DAB1: variants seen among roughly 807,000 people sequenced by gnomAD.
DAB1 encodes disabled homolog 1.
Under a neutral mutation model 64.6 loss-of-function variants are expected in DAB1, and 15 were observed. The ratio of observed to expected loss-of-function variants is 0.23; its 90% confidence interval spans 0.16 to 0.36. The LOEUF (loss-of-function observed/expected upper bound fraction) is 0.36, where lower values mean the gene tolerates loss of function less well. Ranked by LOEUF, DAB1 falls within the 10% of genes least tolerant of loss-of-function variation. DAB1 has a pLI of 1.00. For synonymous variants in DAB1, 235 were observed against 251.9 expected (o/e 0.93, Z 0.64); for missense variants, 596 against 706.7 (o/e 0.84, Z 1.78).
chr1:57,997,978 A>G (rs951709846), intron 5 of DAB1, among the ~76,000 whole-genome samples: 3 of 152,092 alleles, frequency 2.0e-5, no homozygotes, highest in Non-Finnish European at 4.4e-5. Context: ...AAGAGAAACA[A>G]AATAGTATCT....
chr1:58,541,632 A>AAAAC lies in DAB1; in HGVS notation n.32+5070_32+5071insGTTT, dbSNP rs1553126073. 1,162 of 146,416 alleles carry AAAAC rather than the reference A, an allele frequency of 7.9e-3. 44 individuals carry two copies. Among genetic ancestry groups the AAAAC allele is most frequent in the African/African-American group, 0.028 (1,108 of 39,122 alleles). The allele number at this position is 146,416 out of a possible 1,614,324, so 9.1% of individuals were successfully genotyped here. A position where few individuals can be genotyped will look rare whatever the true frequency, so the allele number is the denominator to read the frequency against. The stretch of plus-strand genomic sequence containing the variant: ...AACCTGTCAAAAAAAAAAAAAAAAA[A>AAAAC]AAAAAAAAACCAAAAACAAAAAACA... On this transcript the variant is annotated intron_variant and non_coding_transcript_variant, in intron 1 of 20. Coordinates refer to the DAB1 transcript ENST00000485760.
chr1:57,841,733 T>G (rs1653060201), intron 1 of DAB1, among the ~76,000 whole-genome samples: 1 of 152,202 alleles, frequency 6.6e-6, no homozygotes, highest in Non-Finnish European at 1.5e-5. Flanking sequence ...GCCCTGGGCC[T>G]GGTCCCCAAA....
At chr1:57,642,629 A>G (rs948585870) in intron 7 of DAB1, among the ~76,000 whole-genome samples, 1 of 152,222 alleles carries the variant, frequency 6.6e-6, no homozygotes, top group African/African-American at 2.4e-5. Flanking sequence ...TTCACGTTAC[A>G]ACTCCATCCG....
At chr1:57,708,916 C>T (rs898826523) in intron 6 of DAB1, among the ~76,000 whole-genome samples, 4 of 151,986 alleles carry the variant, frequency 2.6e-5, no homozygotes, top group Non-Finnish European at 5.9e-5. Flanking sequence ...TTGGCTCCTA[C>T]GAAGGTGTTT....
intron 4 of DAB1, among the ~76,000 whole-genome samples, chr1:58,237,616 A>G (rs1298350829): frequency 1.3e-5 from 2 of 152,178 alleles, no homozygotes; most frequent in Admixed American, 1.3e-4. Context: ...TCCTGGTGAC[A>G]GCACAACTAC....
Position 57,401,026 on chromosome 1 carries a change from C to G in DAB1, c.-137+22904G>C, listed in dbSNP as rs1432929898. On this transcript the variant is annotated intron_variant, in intron 1 of 14. Transcript: ENST00000371236. ...AAAAAAAGTGCCGAAAGGAACTTAC[C>G]ACCAAAAAGGCCATATTTTGACATG... 2.0e-5 allele frequency among the ~76,000 whole-genome samples: 3 copies of G among 148,702 alleles called. No individual in the cohort carries two copies. The East Asian group carries it at 5.9e-4, about 29-fold the overall frequency.
At position 58,534,773 on chromosome 1, in the gene DAB1, G is replaced by A. The variant is rs1022766630; in HGVS notation, n.33-7438C>T. Among the ~76,000 whole-genome samples the A allele has an allele frequency of 5.3e-5, 8 of 152,090 alleles. No individual in the cohort carries two copies. The South Asian group carries it at 8.3e-4, about 16-fold the overall frequency. On this transcript the variant is annotated intron_variant and non_coding_transcript_variant, in intron 1 of 20. Coordinates refer to the DAB1 transcript ENST00000485760. ...AACATGGTGAAACCCCGTCTCTACC[G>A]AAAACACAAAAAATTAGCCAGGCGT... is the stretch of plus-strand genomic sequence containing the variant.
intron 9 of DAB1, among the ~76,000 whole-genome samples, chr1:57,060,916 G>A (rs1205228822): frequency 6.6e-6 from 1 of 151,814 alleles, no homozygotes; most frequent in East Asian, 1.9e-4. Flanking sequence ...CAAAAACCAA[G>A]GCAGCAAATG....
intron 5 of DAB1, among the ~76,000 whole-genome samples, chr1:57,971,901 G>A (rs1231802537): frequency 6.6e-6 from 1 of 152,190 alleles, no homozygotes; most frequent in African/African-American, 2.4e-5. Flanking sequence ...TGAGGCATCA[G>A]TTTGTGAACC....
intron 6 of DAB1, among the ~76,000 whole-genome samples, chr1:57,789,291 ACG>A (rs1650481150): frequency 6.6e-6 from 1 of 152,182 alleles, no homozygotes; most frequent in Non-Finnish European, 1.5e-5. Flanking sequence ...TCTTGGGCCC[ACG>A]CGAGAAGAGG....
chr1:57,126,564 AGCT>A, intron 4 of DAB1, among the ~76,000 whole-genome samples: 1 of 152,212 alleles, frequency 6.6e-6, no homozygotes, highest in South Asian at 2.1e-4. Context: ...GAGAACACTG[AGCT>A]GCTAAGAGGT....
chr1:57,844,402 A>G (rs1336321053), intron 1 of DAB1, among the ~76,000 whole-genome samples: 3 of 152,212 alleles, frequency 2.0e-5, no homozygotes, highest in Admixed American at 6.5e-5. Context: ...AGAGACTCAG[A>G]CATATTGAGA....
At chr1:57,051,358 A>T (rs906596817) in intron 9 of DAB1, among the ~76,000 whole-genome samples, 2 of 152,236 alleles carry the variant, frequency 1.3e-5, no homozygotes, top group African/African-American at 4.8e-5. Flanking sequence ...TAATCCAATT[A>T]TCCAACATCT....
At chr1:57,422,361 G>A (rs1684982253) in intron 1 of DAB1, among the ~76,000 whole-genome samples, 1 of 152,194 alleles carries the variant, frequency 6.6e-6, no homozygotes, top group African/African-American at 2.4e-5. Context: ...CCAGCTCGCA[G>A]GAGGGCTCGC....
intron 2 of DAB1, among the ~76,000 whole-genome samples, chr1:57,189,388 C>T (rs1221719191): frequency 6.6e-6 from 1 of 152,128 alleles, no homozygotes; most frequent in East Asian, 1.9e-4. Context: ...TAGTTATCTA[C>T]TTAAATTATT....
intron 5 of DAB1, among the ~76,000 whole-genome samples, chr1:58,039,791 C>T (rs6587796): frequency 0.084 from 12,801 of 152,036 alleles, 1,651 homozygotes; most frequent in African/African-American, 0.28. Flanking sequence ...TCTCTTCTTT[C>T]TACAGGGATA....
intron 5 of DAB1, among the ~76,000 whole-genome samples, chr1:58,044,386 C>T (rs183577281): frequency 7.2e-5 from 11 of 152,004 alleles, no homozygotes; most frequent in African/African-American, 2.7e-4. Context: ...CAGTGGCTTC[C>T]TCCTACTGCT....
chr1:58,464,551 G>C (rs1191579149), intron 3 of DAB1, among the ~76,000 whole-genome samples: 1 of 152,168 alleles, frequency 6.6e-6, no homozygotes, highest in African/African-American at 2.4e-5. Flanking sequence ...CCTGAACTTG[G>C]CCTTGTACTA....
chr1:57,517,179 T>G (rs955197970), intron 7 of DAB1, among the ~76,000 whole-genome samples: 7 of 152,128 alleles, frequency 4.6e-5, no homozygotes, highest in Non-Finnish European at 8.8e-5. Flanking sequence ...TTATTTTTTT[T>G]GAGGCAGGGT....
Sources: gnomAD v4.1 joint callset for allele counts (sites outside exome capture counted in the v4.1 genomes callset) on GRCh38, gnomAD v4.1.1 for gene constraint, MANE v1.5 for transcripts, NCBI Gene and HGNC (gene_info 2026-07-23, HGNC 2026-07-21) for gene names.